PEAK1: variants seen among roughly 807,000 people sequenced by gnomAD.
PEAK1 encodes the protein inactive tyrosine-protein kinase PEAK1.
In PEAK1, 54 loss-of-function variants were observed where a neutral mutation model predicts 124.7. That is an observed-to-expected ratio of 0.43 (90% CI 0.35 to 0.54). PEAK1 has a LOEUF of 0.54. PEAK1 is among the 20% of genes least tolerant of loss of function. PEAK1 has a pLI of 0.01. For synonymous variants in PEAK1, 719 were observed against 760.0 expected (o/e 0.95, Z 0.89); for missense variants, 2,046 against 2,134.5 (o/e 0.96, Z 0.82).
At chr15:77,269,520 A>C (rs926999213) in intron 5 of PEAK1, among the ~76,000 whole-genome samples, 16 of 152,174 alleles carry the variant, frequency 1.1e-4, no homozygotes, top group Admixed American at 9.8e-4. Flanking sequence ...TTTATAAAAC[A>C]ATTACTACTA....
In PEAK1 at chr15:77,150,884, T is replaced by C. The variant is rs1019930428; in HGVS notation, c.3331+7619A>G. On this transcript the variant is annotated intron_variant, in intron 8 of 9. Coordinates refer to ENST00000682557, the MANE Select transcript of PEAK1 (RefSeq NM_001385026.1). ...TGCATAGTATTCCATGGTGTATATG[T>C]GCCACATTTTCTTAATCCAATCTAT... Among the ~76,000 whole-genome samples, 111 of 152,318 alleles carry C rather than the reference T, an allele frequency of 7.3e-4. 3 individuals carry two copies. In the South Asian group the frequency reaches 0.011, roughly 15 times the overall value.
intron 1 of PEAK1, chr15:77,371,326 T>C (rs2068625660): frequency 1.1e-6 from 1 of 915,346 alleles, no homozygotes; most frequent in Non-Finnish European, 1.3e-6. Context: ...AAATATTCCT[T>C]CCTTTAATTA....
At chr15:77,307,940 T>C (rs2064197704) in intron 2 of PEAK1, among the ~76,000 whole-genome samples, 1 of 152,190 alleles carries the variant, frequency 6.6e-6, no homozygotes. Flanking sequence ...GTTTAAATCT[T>C]CCTTTAGACT....
At chr15:77,252,707 C>A (rs190546480) in intron 5 of PEAK1, among the ~76,000 whole-genome samples, 181 bp from the exon 6 acceptor site, 4 of 152,234 alleles carry the variant, frequency 2.6e-5, no homozygotes, top group Admixed American at 2.0e-4. Context: ...CACTCAAGAC[C>A]TCCCCATGGC....
chr15:77,288,325 T>C (rs1298837798), intron 2 of PEAK1, among the ~76,000 whole-genome samples: 20 of 152,200 alleles, frequency 1.3e-4, no homozygotes. Context: ...TGCTGTTCTC[T>C]TTGCCAGTAT....
chr15:77,342,260 C>T (rs926200202), intron 2 of PEAK1, among the ~76,000 whole-genome samples: 5 of 151,832 alleles, frequency 3.3e-5, no homozygotes, highest in Non-Finnish European at 7.4e-5. Flanking sequence ...AACACATCTC[C>T]AGAACTTTTT....
At chr15:77,204,565 C>T (rs2058538162) in intron 6 of PEAK1, 1 of 152,680 alleles carries the variant, frequency 6.5e-6, no homozygotes, top group South Asian at 2.1e-4. Context: ...TCCCCACTGC[C>T]AAGATGCCCA....
intron 2 of PEAK1, chr15:77,332,136 AAATAAATTT>A: frequency 1.1e-6 from 1 of 904,698 alleles, no homozygotes; most frequent in African/African-American, 1.8e-5. Flanking sequence ...AAAAATATAA[AAATAAATTT>A]AAAAATAAGT....
intron 8 of PEAK1, chr15:77,157,384 G>A (rs1282316414): frequency 6.6e-6 from 1 of 152,260 alleles, no homozygotes; most frequent in Admixed American, 6.5e-5. Context: ...AGAGCACTGA[G>A]AAATCCTTAT....
At chr15:77,322,338 G>A (rs1040436854) in intron 2 of PEAK1, among the ~76,000 whole-genome samples, 1 of 152,236 alleles carries the variant, frequency 6.6e-6, no homozygotes, top group African/African-American at 2.4e-5. Context: ...ATGAATCCAG[G>A]AGCTGGTTTT....
At chr15:77,161,176 C>G (rs1175087199) in intron 7 of PEAK1, among the ~76,000 whole-genome samples, 2 of 152,334 alleles carry the variant, frequency 1.3e-5, no homozygotes, top group Non-Finnish European at 2.9e-5. Flanking sequence ...CTTCTCGAGT[C>G]TGTTAATCAT....
At position 77,262,749 on chromosome 15, in the gene PEAK1, A is replaced by G. The variant is rs545547251; in HGVS notation, c.-274-10223T>C. ...AATTGAACTCAGCTCTGCACCAAGC[A>G]GACCTAATAGACATCTACAGAACTC... On this transcript the variant is annotated intron_variant, in intron 5 of 9. Coordinates refer to ENST00000682557, the MANE Select transcript of PEAK1 (RefSeq NM_001385026.1). 4.5e-4 allele frequency among the ~76,000 whole-genome samples: 68 copies of G among 152,158 alleles called. No individual in the cohort carries two copies. The South Asian group carries it at 0.01, about 23-fold the overall frequency.
At chr15:77,249,366 T>C (rs768425433) in intron 6 of PEAK1, among the ~76,000 whole-genome samples, 1 of 152,194 alleles carries the variant, frequency 6.6e-6, no homozygotes, top group Non-Finnish European at 1.5e-5. Flanking sequence ...ACTATTTGAC[T>C]CAATCTTAGC....
At position 77,179,621 on chromosome 15, in the gene PEAK1, T is replaced by G. The variant is rs959664020; in HGVS notation, c.2306A>C (p.Gln769Pro). ...TGGGGGTTGGATTGAAGCCACAATC[T>G]GAGAAAGCACTGTGCTTGCTTTCTC... Reference protein sequence around the residue: ...TREKASTVLSQIVASIQPPQS... With the variant: ...TREKASTVLSPIVASIQPPQS... Residue 769 changes from glutamine (Q) to proline (P), a missense_variant, in exon 7 of 10, where the codon CAG (glutamine) becomes CCG (proline). Transcript: ENST00000682557. 1.9e-6 allele frequency: 3 copies of G among 1,614,208 alleles called. No individual in the cohort carries two copies. Among genetic ancestry groups the G allele is most frequent in the Non-Finnish European group, 2.5e-6 (3 of 1,180,026 alleles).
intron 1 of PEAK1, among the ~76,000 whole-genome samples, chr15:77,365,468 C>T (rs892249182): frequency 1.2e-4 from 18 of 152,110 alleles, no homozygotes; most frequent in African/African-American, 4.1e-4. Context: ...CCGGGCACGG[C>T]GGCTCACGCC....
intron 1 of PEAK1, among the ~76,000 whole-genome samples, chr15:77,394,903 C>T (rs552512248): frequency 6.6e-6 from 1 of 152,136 alleles, no homozygotes; most frequent in Admixed American, 6.5e-5. Flanking sequence ...GGATGGATAC[C>T]CCATTCTCCA....
intron 1 of PEAK1, among the ~76,000 whole-genome samples, chr15:77,392,663 G>T (rs891402035): frequency 6.6e-6 from 1 of 152,082 alleles, no homozygotes; most frequent in Non-Finnish European, 1.5e-5. Context: ...CCTCATGGAC[G>T]GTCTTCTTTA....
intron 2 of PEAK1, among the ~76,000 whole-genome samples, chr15:77,362,958 C>T (rs539011997): frequency 7.9e-5 from 12 of 152,216 alleles, no homozygotes; most frequent in African/African-American, 2.9e-4. Flanking sequence ...TGGGTTCAAG[C>T]GATTCTCCTG....
chr15:77,250,560 G>A lies in PEAK1; in HGVS notation c.-115+1807C>T, dbSNP rs552049427. Among the ~76,000 whole-genome samples, 359 of 152,010 alleles carry A rather than the reference G, an allele frequency of 2.4e-3. 1 individual carries two copies. The highest frequency in any genetic ancestry group is 8.2e-3 in the African/African-American group (341 of 41,458). The stretch of plus-strand genomic sequence containing the variant: ...CCACTCTCCTGCCTCAGCCTCCCGA[G>A]TAGCTGGGACTACAGGTGCCTGCCA... On this transcript the variant is annotated intron_variant, in intron 6 of 9. Transcript: ENST00000682557.
Sources: gnomAD v4.1 joint callset for allele counts (sites outside exome capture counted in the v4.1 genomes callset) on GRCh38, gnomAD v4.1.1 for gene constraint, MANE v1.5 for transcripts, NCBI Gene and HGNC (gene_info 2026-07-23, HGNC 2026-07-21) for gene names.